Variants in NPR3 observed in about 807,000 individuals in gnomAD.
The protein encoded by NPR3 is natriuretic peptide receptor 3, also known as atrial natriuretic peptide receptor 3.
In NPR3, 34 loss-of-function variants were observed where a neutral mutation model predicts 54.5. The ratio of observed to expected loss-of-function variants is 0.62; its 90% CI spans 0.47 to 0.83. NPR3 has a LOEUF of 0.83. Among genes scored for constraint, NPR3 ranks in the 40% least tolerant of loss-of-function variants. The probability of loss-of-function intolerance (pLI) is 0.00; values close to 1 mark genes in which losing one functional copy is unlikely to be tolerated. For missense variants in NPR3, 674 were observed against 720.8 expected (o/e 0.94, Z 0.74); for synonymous variants, 289 against 297.1 (o/e 0.97, Z 0.28).
rs1390537561 is a variant in NPR3, at chr5:32,786,552, A to G, written c.*207A>G. ...GCCTTTCATCTCATGACAAACAAAT[A>G]TAATAATGATATCGTGTCACTCTGT... On this transcript the variant is annotated 3_prime_UTR_variant, in exon 8 of 8. Coordinates refer to ENST00000265074, the MANE Select transcript of NPR3 (RefSeq NM_001204375.2). 13 of 548,042 alleles carry G rather than the reference A, an allele frequency of 2.4e-5. No individual in the cohort carries two copies. Among genetic ancestry groups the G allele is most frequent in the Admixed American group, 7.5e-5 (2 of 26,580 alleles). 33.9% of individuals were successfully genotyped at this position (548,042 alleles called of 1,614,324 possible).
chr5:32,733,895 G>T (rs1025583962), intron 2 of NPR3, among the ~76,000 whole-genome samples: 1 of 152,138 alleles, frequency 6.6e-6, no homozygotes, highest in Non-Finnish European at 1.5e-5. Flanking sequence ...TAGGTTAGGT[G>T]GGGTGTTGGT....
At chr5:32,771,256 T>C (rs1741744709) in intron 3 of NPR3, among the ~76,000 whole-genome samples, 1 of 152,014 alleles carries the variant, frequency 6.6e-6, no homozygotes, top group Non-Finnish European at 1.5e-5. Context: ...GTGGGCGGGG[T>C]GCCAGCAAAC....
At chr5:32,782,180 G>T (rs1024000432) in intron 5 of NPR3, among the ~76,000 whole-genome samples, 35 of 152,110 alleles carry the variant, frequency 2.3e-4, no homozygotes, top group Admixed American at 2.6e-4. Context: ...ACATAGGGTG[G>T]GTTCATCAGA....
rs1367519775 is a variant in NPR3, at chr5:32,753,318, A to AT, written c.1059+14292dup. ...TGTTTTATAATTGAAATGCTATGCTATTTTCTTTTTTTTTTTTTCCTGTAT... is the reference window on the plus strand; with the variant it reads ...TGTTTTATAATTGAAATGCTATGCTATTTTTCTTTTTTTTTTTTTCCTGTAT... On this transcript the variant is annotated intron_variant, in intron 3 of 7. Transcript: ENST00000265074. Among the ~76,000 whole-genome samples the AT allele has an allele frequency of 4.9e-5, 7 of 143,908 alleles. No individual in the cohort carries two copies. In the South Asian group the frequency reaches 6.9e-4, roughly 14 times the overall value. The allele number at this position is 143,908 out of a possible 152,430, so 94.4% of individuals were successfully genotyped here.
chr5:32,729,026 T>TG, intron 2 of NPR3, among the ~76,000 whole-genome samples: 1 of 96,000 alleles, frequency 1.0e-5, no homozygotes, highest in South Asian at 3.8e-4. Context: ...TTTTTTTTTT[T>TG]TTTGTTTTGT....
chr5:32,726,748 T>G (rs1349148928), intron 2 of NPR3, among the ~76,000 whole-genome samples: 1 of 152,214 alleles, frequency 6.6e-6, no homozygotes, highest in African/African-American at 2.4e-5. Context: ...GTAGACAATT[T>G]AGAAAACATA....
At position 32,712,061 on chromosome 5, in the gene NPR3, G is replaced by C; in HGVS notation, c.285G>C (p.Pro95=). 8.1e-6 allele frequency: 13 copies of C among 1,613,854 alleles called. No homozygotes were observed. The highest frequency in any genetic ancestry group is 1.1e-5 in the Non-Finnish European group (13 of 1,179,814). ...GGACTGGGAGGCGGCTTCTGCCGCC[G>C]GGCACTCGCTTCCAGGTGGCTTACG... ...GNGTGRRLLP[P]GTRFQVAYED... Residue 95 remains proline (P), a synonymous_variant, in exon 1 of 8, where the codon CCG becomes CCC. Coordinates refer to ENST00000265074, the MANE Select transcript of NPR3 (RefSeq NM_001204375.2).
At chr5:32,742,183 A>G (rs1044667938) in intron 3 of NPR3, among the ~76,000 whole-genome samples, 3 of 152,090 alleles carry the variant, frequency 2.0e-5, no homozygotes, top group African/African-American at 4.8e-5. Context: ...GTTCTCTGCT[A>G]TCCGTCTTGA....
At chr5:32,726,020 C>T (rs1739119959) in intron 2 of NPR3, among the ~76,000 whole-genome samples, 1 of 152,104 alleles carries the variant, frequency 6.6e-6, no homozygotes, top group African/African-American at 2.4e-5. Context: ...ACATTTCTCC[C>T]CCAAATGTGG....
Position 32,774,754 on chromosome 5 carries a change from T to TA in NPR3, c.1106_1107insA (p.Ala371GlyfsTer4). 2 of 1,607,988 alleles carry TA rather than the reference T, an allele frequency of 1.2e-6. No homozygotes were observed. Among genetic ancestry groups the TA allele is most frequent in the Non-Finnish European group, 8.5e-7 (1 of 1,174,418 alleles). ...TTCCACGATGCCATCCTCCTCTACG[T>TA]CTTGGCTCTACATGAAGTACTCAGA... On this transcript the variant is annotated frameshift_variant, in exon 4 of 8. Transcript: ENST00000265074. LOFTEE classifies it high-confidence loss of function.
At chr5:32,710,017 C>G (rs1738129372), upstream of NPR3, 1 of 152,170 alleles carries the variant, frequency 6.6e-6, no homozygotes. Flanking sequence ...ACTTAATTGT[C>G]AGAATTCTCC....
upstream of NPR3, among the ~76,000 whole-genome samples, chr5:32,705,161 G>A (rs1197704796): frequency 2.0e-5 from 3 of 152,198 alleles, no homozygotes; most frequent in Admixed American, 1.3e-4. Flanking sequence ...AAATGCTGAA[G>A]TAATTGATGC....
At chr5:32,744,282 C>T (rs939211352) in intron 3 of NPR3, among the ~76,000 whole-genome samples, 4 of 152,164 alleles carry the variant, frequency 2.6e-5, no homozygotes, top group South Asian at 2.1e-4. Flanking sequence ...TGAGCCATCT[C>T]GCCCAGCCTG....
At chr5:32,721,775 C>T (rs1299260913) in intron 1 of NPR3, among the ~76,000 whole-genome samples, 1 of 152,190 alleles carries the variant, frequency 6.6e-6, no homozygotes, top group African/African-American at 2.4e-5. Flanking sequence ...CCACAGACTG[C>T]ATAATTTGTA....
chr5:32,728,339 T>C (rs1300777283), intron 2 of NPR3, among the ~76,000 whole-genome samples: 2 of 152,024 alleles, frequency 1.3e-5, no homozygotes, highest in Non-Finnish European at 2.9e-5. Flanking sequence ...GGTGTGTGCC[T>C]ATAATCCCAG....
intron 3 of NPR3, among the ~76,000 whole-genome samples, chr5:32,773,756 G>A (rs1741891939): frequency 6.6e-6 from 1 of 152,114 alleles, no homozygotes; most frequent in Non-Finnish European, 1.5e-5. Context: ...ACACTTTAAA[G>A]CCCACATAAT....
chr5:32,777,420 A>G (rs1245136274), intron 4 of NPR3, among the ~76,000 whole-genome samples: 1 of 152,180 alleles, frequency 6.6e-6, no homozygotes, highest in Non-Finnish European at 1.5e-5. Flanking sequence ...ATGACTGACA[A>G]GAGCTCTTTC....
intron 3 of NPR3, among the ~76,000 whole-genome samples, chr5:32,766,442 T>C (rs888059176): frequency 6.6e-6 from 1 of 152,216 alleles, no homozygotes; most frequent in Non-Finnish European, 1.5e-5. Context: ...ACAGTCAGCA[T>C]GTTTCTGTTA....
At chr5:32,739,936 A>C (rs1438612866) in intron 3 of NPR3, among the ~76,000 whole-genome samples, 2 of 152,092 alleles carry the variant, frequency 1.3e-5, no homozygotes, top group Non-Finnish European at 1.5e-5. Context: ...GTTGGAGTGC[A>C]GTGGCGCGAT....
Sources: allele counts gnomAD v4.1 joint callset (sites outside exome capture counted in the v4.1 genomes callset), GRCh38; gene constraint gnomAD v4.1.1; transcripts MANE v1.5; gene names NCBI Gene and HGNC (gene_info 2026-07-23, HGNC 2026-07-21).